BMPR2: variants seen among roughly 807,000 people sequenced by gnomAD.
The protein encoded by BMPR2 is bone morphogenetic protein receptor type 2, also known as bone morphogenetic protein receptor type-2.
A neutral mutation model predicts 100.8 loss-of-function variants in BMPR2; 29 were observed. That is an observed-to-expected ratio of 0.29 (90% CI 0.21 to 0.39). BMPR2 has a LOEUF of 0.39. BMPR2 is among the 10% of genes least tolerant of loss of function. The probability of loss-of-function intolerance (pLI) is 1.00; values close to 1 mark genes in which losing one functional copy is unlikely to be tolerated. For synonymous variants in BMPR2, 382 were observed against 442.3 expected (o/e 0.86, Z 1.71); for missense variants, 1,011 against 1,274.5 (o/e 0.79, Z 3.15).
At chr2:202,520,066 C>CT in intron 6 of BMPR2, 21 bp from the exon 7 acceptor site, 4 of 995,398 alleles carry the variant, frequency 4.0e-6, no homozygotes, top group Non-Finnish European at 5.6e-6. Context: ...TTTTTTTTTT[C>CT]GCATTTTTTC....
At chr2:202,390,327 T>G (rs1690520920) in intron 1 of BMPR2, among the ~76,000 whole-genome samples, 1 of 144,930 alleles carries the variant, frequency 6.9e-6, no homozygotes, top group Non-Finnish European at 1.5e-5. Flanking sequence ...CTCCCTTTTC[T>G]TTCGTGTTTT....
At chr2:202,535,293 C>G (rs949521154) in intron 9 of BMPR2, among the ~76,000 whole-genome samples, 1 of 150,628 alleles carries the variant, frequency 6.6e-6, no homozygotes, top group South Asian at 2.1e-4. Flanking sequence ...TCAGACGGGG[C>G]GGCTGCCGGG....
Position 202,400,237 on chromosome 2 carries a change from G to A in BMPR2, c.76+22687G>A, listed in dbSNP as rs191282035. ...GTTCACTGCAACCTTTAAATCCTGG[G>A]CTCAAGCCATCCTCCTACTTCAGCC... On this transcript the variant is annotated intron_variant, in intron 1 of 12. Coordinates refer to ENST00000374580, the MANE Select transcript of BMPR2 (RefSeq NM_001204.7). 9.9e-4 allele frequency among the ~76,000 whole-genome samples: 150 copies of A among 152,182 alleles called. 1 individual carries two copies. Among genetic ancestry groups the A allele is most frequent in the Non-Finnish European group, 1.0e-4 (7 of 68,022 alleles).
At position 202,417,412 on chromosome 2, in the gene BMPR2, C is replaced by G. The variant is rs1185765565; in HGVS notation, c.76+39862C>G. The stretch of plus-strand genomic sequence containing the variant: ...CCGCCTTCCGGGTTCGAGCGATTCT[C>G]CTGCCTCAGCCTCCTGAGTAGCTGG... On this transcript the variant is annotated intron_variant, in intron 1 of 12. Transcript: ENST00000374580. Among the ~76,000 whole-genome samples, 4 of 152,198 alleles carry G rather than the reference C, an allele frequency of 2.6e-5. No homozygotes were observed. The South Asian group carries it at 8.3e-4, about 31-fold the overall frequency.
intron 7 of BMPR2, 125 bp from the exon 8 acceptor site, chr2:202,530,668 TC>T (rs1688005494): frequency 1.3e-6 from 1 of 781,852 alleles, no homozygotes; most frequent in African/African-American, 1.8e-5. Flanking sequence ...AATTCCGATT[TC>T]TCTTTTTTTG....
chr2:202,440,792 C>G (rs1396422194), intron 1 of BMPR2, among the ~76,000 whole-genome samples: 1 of 150,088 alleles, frequency 6.7e-6, no homozygotes, highest in Admixed American at 6.6e-5. Context: ...CCGGGGAGAC[C>G]GGGGAGACCG....
At chr2:202,521,250 A>C (rs1180548237) in intron 7 of BMPR2, among the ~76,000 whole-genome samples, 1 of 152,218 alleles carries the variant, frequency 6.6e-6, no homozygotes, top group Non-Finnish European at 1.5e-5. Flanking sequence ...ATTAGTAAAA[A>C]CAACCTGCTA....
At chr2:202,386,994 A>G (rs898793905) in intron 1 of BMPR2, among the ~76,000 whole-genome samples, 1 of 152,024 alleles carries the variant, frequency 6.6e-6, no homozygotes, top group African/African-American at 2.4e-5. Flanking sequence ...GACCCTTTTC[A>G]TACATAAGTT....
chr2:202,557,599 G>A lies in BMPR2; in HGVS notation c.2866+1068G>A, dbSNP rs994710585. Among the ~76,000 whole-genome samples, 8 of 152,154 alleles carry A rather than the reference G, an allele frequency of 5.3e-5. No individual in the cohort carries two copies. In the East Asian group the frequency reaches 5.8e-4, roughly 11 times the overall value. On this transcript the variant is annotated intron_variant, in intron 12 of 12. Transcript: ENST00000374580. ...GGAGAATCGCCTTAACCCAGGAGGCGGAGGTTGCAGTGAGCTGAGATTGCG... is the reference window on the plus strand; with the variant it reads ...GGAGAATCGCCTTAACCCAGGAGGCAGAGGTTGCAGTGAGCTGAGATTGCG...
At chr2:202,430,688 G>A (rs766713234) in intron 1 of BMPR2, among the ~76,000 whole-genome samples, 12 of 151,976 alleles carry the variant, frequency 7.9e-5, no homozygotes, top group East Asian at 7.7e-4. Flanking sequence ...GGACAGGCGC[G>A]GTGGATCACA....
chr2:202,393,461 A>T (rs1690590752), intron 1 of BMPR2, among the ~76,000 whole-genome samples: 2 of 152,170 alleles, frequency 1.3e-5, no homozygotes, highest in Admixed American at 6.6e-5. Context: ...GTAATTTAAA[A>T]ATATATATAT....
intron 7 of BMPR2, among the ~76,000 whole-genome samples, chr2:202,524,556 C>T (rs1242856443): frequency 2.6e-5 from 4 of 152,064 alleles, no homozygotes; most frequent in Non-Finnish European, 4.4e-5. Flanking sequence ...GAGGCTGAGA[C>T]GGGCAGAGAG....
At chr2:202,423,387 A>T (rs1209719155) in intron 1 of BMPR2, among the ~76,000 whole-genome samples, 2 of 152,220 alleles carry the variant, frequency 1.3e-5, no homozygotes, top group Non-Finnish European at 2.9e-5. Flanking sequence ...CTCCCACTTC[A>T]GACACGGGGG....
At chr2:202,544,574 T>C (rs1037948529) in intron 10 of BMPR2, among the ~76,000 whole-genome samples, 2 of 152,108 alleles carry the variant, frequency 1.3e-5, no homozygotes, top group African/African-American at 4.8e-5. Context: ...GTTATGTTTT[T>C]GTTTTATCCT....
At chr2:202,527,098 A>G (rs1206030786) in intron 7 of BMPR2, among the ~76,000 whole-genome samples, 2 of 152,046 alleles carry the variant, frequency 1.3e-5, no homozygotes, top group Non-Finnish European at 2.9e-5. Flanking sequence ...TCCTGACCTC[A>G]GGTGATCCAC....
At chr2:202,382,793 G>A (rs1337646474) in intron 1 of BMPR2, among the ~76,000 whole-genome samples, 1 of 152,160 alleles carries the variant, frequency 6.6e-6, no homozygotes, top group African/African-American at 2.4e-5. Flanking sequence ...GGGCAAATAG[G>A]TTACTTAACA....
At position 202,376,334 on chromosome 2, in the gene BMPR2, C is replaced by A. The variant is rs1167339921; in HGVS notation, c.-1141C>A. Among the ~76,000 whole-genome samples the A allele has an allele frequency of 6.8e-6, 1 of 147,146 alleles. No homozygotes were observed. The highest frequency in any genetic ancestry group is 2.5e-5 in the African/African-American group (1 of 39,928). ...CAGACTGGCAGCTGCGGCGACTCCC[C>A]CCTTTGTGTCTGGTCTGCTCGGAGC... On this transcript the variant is annotated 5_prime_UTR_variant, in exon 1 of 13. Coordinates refer to ENST00000374580, the MANE Select transcript of BMPR2 (RefSeq NM_001204.7).
At chr2:202,551,743 G>A (rs773512499) in intron 10 of BMPR2, among the ~76,000 whole-genome samples, 1 of 151,952 alleles carries the variant, frequency 6.6e-6, no homozygotes, top group Non-Finnish European at 1.5e-5. Flanking sequence ...TCTGTCACCC[G>A]GGGAGGAGTG....
At chr2:202,490,959 GTCT>G (rs966209928) in intron 3 of BMPR2, among the ~76,000 whole-genome samples, 7 of 152,094 alleles carry the variant, frequency 4.6e-5, no homozygotes, top group African/African-American at 1.4e-4. Flanking sequence ...TGGAGACAGA[GTCT>G]TCTTCTTGCC....
Sources: allele counts gnomAD v4.1 joint callset (sites outside exome capture counted in the v4.1 genomes callset), GRCh38; gene constraint gnomAD v4.1.1; transcripts MANE v1.5; gene names NCBI Gene and HGNC (gene_info 2026-07-23, HGNC 2026-07-21).